ABLIM3: variants seen among roughly 807,000 people sequenced by gnomAD.
ABLIM3 encodes the protein actin binding LIM protein family member 3.
In ABLIM3, 61 loss-of-function variants were observed where a neutral mutation model predicts 109.5. The observed-to-expected ratio is 0.56, with a 90% CI of 0.45 to 0.69. The LOEUF is 0.69. Among genes scored for constraint, ABLIM3 ranks in the 30% least tolerant of loss-of-function variants. The pLI, the probability that ABLIM3 is intolerant of heterozygous loss-of-function variation, is 0.00. For missense variants in ABLIM3, 796 were observed against 889.5 expected (o/e 0.89, Z 1.34); for synonymous variants, 300 against 324.8 (o/e 0.92, Z 0.82).
intron 2 of ABLIM3, among the ~76,000 whole-genome samples, chr5:149,158,720 A>G (rs1434411123): frequency 6.6e-6 from 1 of 152,212 alleles, no homozygotes; most frequent in Non-Finnish European, 1.5e-5. Context: ...AGCTTCTGCA[A>G]GAAAATGTAG....
At chr5:149,189,081 A>G (rs968235474) in intron 3 of ABLIM3, among the ~76,000 whole-genome samples, 1 of 152,350 alleles carries the variant, frequency 6.6e-6, no homozygotes, top group African/African-American at 2.4e-5. Context: ...AATTTTCAAC[A>G]AGGCTGTTGA....
At chr5:149,252,660 T>TAAG in intron 22 of ABLIM3, 97 bp from the exon 23 acceptor site, 1 of 938,102 alleles carries the variant, frequency 1.1e-6, no homozygotes, top group South Asian at 1.4e-5. Context: ...TTCTGGCCAT[T>TAAG]TCTGGATAGA....
chr5:149,224,967 A>G (rs968102564), intron 8 of ABLIM3, among the ~76,000 whole-genome samples: 8 of 152,170 alleles, frequency 5.3e-5, no homozygotes, highest in Non-Finnish European at 1.0e-4. Flanking sequence ...ACCAGTAAAG[A>G]TTTACTAACA....
chr5:149,203,528 G>T (rs561341036), intron 5 of ABLIM3, among the ~76,000 whole-genome samples: 1 of 150,564 alleles, frequency 6.6e-6, no homozygotes, highest in South Asian at 2.1e-4. Context: ...TCTCCAACAC[G>T]ATCACTACCA....
chr5:149,188,895 G>A (rs943436366), intron 3 of ABLIM3, among the ~76,000 whole-genome samples: 1 of 152,130 alleles, frequency 6.6e-6, no homozygotes, highest in African/African-American at 2.4e-5. Flanking sequence ...TTCAAGGGAC[G>A]GACATAGAAT....
chr5:149,143,379 A>T (rs1752659452), intron 2 of ABLIM3, among the ~76,000 whole-genome samples: 1 of 151,810 alleles, frequency 6.6e-6, no homozygotes, highest in African/African-American at 2.4e-5. Context: ...TAATAATAAT[A>T]ATAATAAAAG....
chr5:149,236,225 C>A (rs1021151335), intron 10 of ABLIM3, among the ~76,000 whole-genome samples: 1 of 152,192 alleles, frequency 6.6e-6, no homozygotes, highest in African/African-American at 2.4e-5. Flanking sequence ...CAACCCTGCC[C>A]TAATTGCAGT....
intron 6 of ABLIM3, among the ~76,000 whole-genome samples, chr5:149,207,422 G>A (rs1759107408): frequency 1.3e-5 from 2 of 151,976 alleles, no homozygotes; most frequent in African/African-American, 2.4e-5. Context: ...CTCATTTACT[G>A]CCCCGTTTTG....
rs1160361987 is a variant in ABLIM3, at chr5:149,258,694, T to G, written c.*290T>G. On this transcript the variant is annotated 3_prime_UTR_variant, in exon 24 of 24. Coordinates refer to ENST00000309868, the MANE Select transcript of ABLIM3 (RefSeq NM_014945.5). ...TAACTTGAGTGCCCCAAGGTCCAACTCTCTTTCCTAAAGAAGGTGCCTGAA... is the reference window on the plus strand; with the variant it reads ...TAACTTGAGTGCCCCAAGGTCCAACGCTCTTTCCTAAAGAAGGTGCCTGAA... 9.5e-7 allele frequency: 1 copy of G among 1,056,664 alleles called. No homozygotes were observed. The highest frequency in any genetic ancestry group is 1.7e-5 in the African/African-American group (1 of 59,536). 65.5% of individuals were successfully genotyped at this position (1,056,664 alleles called of 1,614,324 possible). A position where few individuals can be genotyped will look rare whatever the true frequency, so the allele number is the denominator to read the frequency against.
intron 6 of ABLIM3, among the ~76,000 whole-genome samples, chr5:149,209,271 C>A (rs1322937664): frequency 6.6e-6 from 1 of 152,212 alleles, no homozygotes; most frequent in Non-Finnish European, 1.5e-5. Context: ...GCCCACCACA[C>A]CTGGTACCTC....
chr5:149,249,713 G>T lies in ABLIM3; in HGVS notation c.1700-102G>T, dbSNP rs577553498. On this transcript the variant is annotated intron_variant, in intron 18 of 23. Transcript: ENST00000309868. ...GAGGCCCCTTTTCCCAGCCAGCCAG[G>T]GGGATCGGGTATGGAAGCCACATCT... 42 of 1,433,116 alleles carry T rather than the reference G, an allele frequency of 2.9e-5. No individual in the cohort carries two copies. The East Asian group carries it at 9.6e-4, about 33-fold the overall frequency. The allele number at this position is 1,433,116 out of a possible 1,614,324, so 88.8% of individuals were successfully genotyped here.
chr5:149,186,356 G>A (rs1315913331), intron 3 of ABLIM3, among the ~76,000 whole-genome samples: 2 of 152,072 alleles, frequency 1.3e-5, no homozygotes, highest in African/African-American at 4.8e-5. Context: ...GGAGGTTGCA[G>A]TGAGTCAAGA....
intron 10 of ABLIM3, among the ~76,000 whole-genome samples, chr5:149,237,038 G>C (rs781262099): frequency 3.9e-5 from 6 of 152,172 alleles, no homozygotes; most frequent in Non-Finnish European, 7.3e-5. Context: ...CACTCTGTGG[G>C]ATCGGAAGGC....
chr5:149,191,931 C>A (rs887707034), intron 3 of ABLIM3, among the ~76,000 whole-genome samples: 2 of 152,174 alleles, frequency 1.3e-5, no homozygotes, highest in Non-Finnish European at 2.9e-5. Flanking sequence ...GATCTCGGCT[C>A]ACTGCAAGCT....
intron 3 of ABLIM3, among the ~76,000 whole-genome samples, chr5:149,194,903 G>A (rs921645214): frequency 6.6e-6 from 1 of 152,074 alleles, no homozygotes; most frequent in Admixed American, 6.5e-5. Flanking sequence ...TGGGTACATG[G>A]GAGTTATTTT....
chr5:149,247,236 G>A lies in ABLIM3; in HGVS notation c.1552-546G>A, dbSNP rs1362621272. Reference sequence around the variant, plus strand: ...GTGTGATTCCATTTCCATGAAATATGCAGAATAGGCAAATCCATAGAGACA... The same window carrying A: ...GTGTGATTCCATTTCCATGAAATATACAGAATAGGCAAATCCATAGAGACA... On this transcript the variant is annotated intron_variant, in intron 17 of 23. Transcript: ENST00000309868. 2.0e-5 allele frequency among the ~76,000 whole-genome samples: 3 copies of A among 152,216 alleles called. No individual in the cohort carries two copies. The South Asian group carries it at 6.2e-4, about 32-fold the overall frequency.
In ABLIM3 at chr5:149,260,459, T is replaced by C. The variant is rs1257518604; in HGVS notation, c.*2055T>C. On this transcript the variant is annotated 3_prime_UTR_variant, in exon 24 of 24. Transcript: ENST00000309868. ...CCTAAACCTGTGTGCTTCTGTTGTT[T>C]CTTGTGTGGGAGTGGAAATGACTGA... 1 of 152,618 alleles carries C rather than the reference T, an allele frequency of 6.6e-6. No homozygotes were observed. The highest frequency in any genetic ancestry group is 1.5e-5 in the Non-Finnish European group (1 of 68,038). The allele number at this position is 152,618 out of a possible 1,614,324, so 9.5% of individuals were successfully genotyped here. A position where few individuals can be genotyped will look rare whatever the true frequency, so the allele number is the denominator to read the frequency against.
intron 2 of ABLIM3, among the ~76,000 whole-genome samples, chr5:149,150,743 T>A (rs1014017218): frequency 6.6e-6 from 1 of 152,214 alleles, no homozygotes; most frequent in Non-Finnish European, 1.5e-5. Context: ...TTTCTGGGTA[T>A]TTTGCCAGAT....
At chr5:149,235,811 G>A (rs1762290908) in intron 10 of ABLIM3, among the ~76,000 whole-genome samples, 1 of 152,174 alleles carries the variant, frequency 6.6e-6, no homozygotes, top group African/African-American at 2.4e-5. Flanking sequence ...ACCTCAAAGA[G>A]TTCAACTGAG....
Sources: gnomAD v4.1 joint callset for allele counts (sites outside exome capture counted in the v4.1 genomes callset) on GRCh38, gnomAD v4.1.1 for gene constraint, MANE v1.5 for transcripts, NCBI Gene and HGNC (gene_info 2026-07-23, HGNC 2026-07-21) for gene names.